The following HLA-DRB5 variants were observed in gnomAD, a reference collection of about 807,000 sequenced individuals.
The protein encoded by HLA-DRB5 is DR beta-5.
HLA-DRB5 carries 11 observed loss-of-function variants against 22.4 expected under a neutral mutation model. The ratio of observed to expected loss-of-function variants is 0.49; its 90% CI spans 0.31 to 0.81. HLA-DRB5 has a LOEUF of 0.81. HLA-DRB5 is among the 40% of genes least tolerant of loss of function. The pLI is 0.05. For synonymous variants in HLA-DRB5, 57 were observed against 106.0 expected, an observed-to-expected ratio of 0.54 and a Z score of 2.84; for missense variants, 106 against 274.4, an observed-to-expected ratio of 0.39 and a Z score of 4.34.
chr6:32,526,860 C>T (rs201806466), intron 1 of HLA-DRB5, among the ~76,000 whole-genome samples: 2,323 of 29,510 alleles, frequency 0.079, 144 homozygotes, highest in Non-Finnish European at 0.088. Flanking sequence ...CTGATTGCTC[C>T]ACACAAATGT....
chr6:32,528,693 G>A lies in HLA-DRB5; in HGVS notation c.100+1432C>T, dbSNP rs1399509209. 7.6e-5 allele frequency among the ~76,000 whole-genome samples: 3 copies of A among 39,362 alleles called. 1 individual carries two copies. The highest frequency in any genetic ancestry group is 1.6e-4 in the Non-Finnish European group (3 of 18,924). The allele number at this position is 39,362 out of a possible 152,430, so 25.8% of individuals were successfully genotyped here. ...CAATGAATTCACCGTGCCTGGGTGC[G>A]GTGGCTTACACCTACAATCCTAGCA... is the stretch of plus-strand genomic sequence containing the variant. On this transcript the variant is annotated intron_variant, in intron 1 of 5. Transcript: ENST00000374975.
chr6:32,524,030 G>A (rs146225755), intron 1 of HLA-DRB5, among the ~76,000 whole-genome samples: 9,910 of 38,436 alleles, frequency 0.26, 3,101 homozygotes, highest in Middle Eastern at 0.39. Context: ...TTCCCCAAGG[G>A]TGATGGGAGG....
chr6:32,522,732 G>A (rs144861045), intron 1 of HLA-DRB5, among the ~76,000 whole-genome samples: 3,068 of 68,052 alleles, frequency 0.045, 1,118 homozygotes, highest in Admixed American at 0.085. Context: ...GCTTAGACAG[G>A]AATGAGAAAT....
rs113032615 is a variant in HLA-DRB5, at chr6:32,526,630, G to A, written c.100+3495C>T. Among the ~76,000 whole-genome samples the A allele has an allele frequency of 5.8e-5, 2 of 34,392 alleles. 1 individual carries two copies. The highest frequency in any genetic ancestry group is 1.1e-4 in the Non-Finnish European group (2 of 17,558). 22.6% of individuals were successfully genotyped at this position (34,392 alleles called of 152,430 possible). A position where few individuals can be genotyped will look rare whatever the true frequency, so the allele number is the denominator to read the frequency against. On this transcript the variant is annotated intron_variant, in intron 1 of 5. Transcript: ENST00000374975. ...CACCTCCCTGGTTCACGCCATTCTCGTGCTTCAGCCTCCCAAGTAGCTGGG... is the reference window on the plus strand; with the variant it reads ...CACCTCCCTGGTTCACGCCATTCTCATGCTTCAGCCTCCCAAGTAGCTGGG...
At chr6:32,528,917 T>C (rs532892069) in intron 1 of HLA-DRB5, among the ~76,000 whole-genome samples, 492 of 112,428 alleles carry the variant, frequency 4.4e-3, no homozygotes, top group Non-Finnish European at 6.0e-3. Context: ...CATTACAGCC[T>C]GGGTGACAGA....
Position 32,526,816 on chromosome 6 carries a change from G to T in HLA-DRB5, c.100+3309C>A, listed in dbSNP as rs1482338358. On this transcript the variant is annotated intron_variant, in intron 1 of 5. Coordinates refer to ENST00000374975, the MANE Select transcript of HLA-DRB5 (RefSeq NM_002125.4). ...TTACAGGCATGAGTCACTGCGCCTG[G>T]CCCACCATGAGTCTTTTAAATGCCA... Among the ~76,000 whole-genome samples, 16 of 24,468 alleles carry T rather than the reference G, an allele frequency of 6.5e-4. 7 individuals carry two copies. The highest frequency in any genetic ancestry group is 1.0e-3 in the Non-Finnish European group (12 of 11,482). 16.1% of individuals were successfully genotyped at this position (24,468 alleles called of 152,430 possible). A position where few individuals can be genotyped will look rare whatever the true frequency, so the allele number is the denominator to read the frequency against.
chr6:32,524,789 T>C (rs1769396827), intron 1 of HLA-DRB5, among the ~76,000 whole-genome samples: 1 of 94,020 alleles, frequency 1.1e-5, no homozygotes, highest in Admixed American at 1.3e-4. Context: ...CATGCTCATG[T>C]GTCCCACTTA....
chr6:32,519,445 C>G lies in HLA-DRB5; in HGVS notation c.577G>C (p.Val193Leu), dbSNP rs1372685570. The change falls in exon 3 of 6, where the codon GTT becomes CTT. Residue 193 changes from valine (V) to leucine (L), a missense_variant. Transcript: ENST00000374975. ...TFQTLVMLET[V>L]PRSGEVYTCQ... ...GTGTAAACCTCTCCACTTCGAGGAA[C>G]TGTTTCCAGCATCACCAGGGTCTGG... 1 of 1,329,106 alleles carries G rather than the reference C, an allele frequency of 7.5e-7. No homozygotes were observed. Among genetic ancestry groups the G allele is most frequent in the Non-Finnish European group, 1.0e-6 (1 of 973,398 alleles). 82.3% of individuals were successfully genotyped at this position (1,329,106 alleles called of 1,614,324 possible).
chr6:32,518,532 GA>G (rs1217761692), intron 4 of HLA-DRB5, 23 bp downstream of exon 4: 155 of 481,076 alleles, frequency 3.2e-4, no homozygotes, highest in Admixed American at 6.8e-4. Flanking sequence ...TCTATGGAGA[GA>G]GCCGCTACCA....
chr6:32,523,988 A>C (rs1416070763), intron 1 of HLA-DRB5, among the ~76,000 whole-genome samples: 1 of 88,792 alleles, frequency 1.1e-5, no homozygotes, highest in Non-Finnish European at 2.3e-5. Context: ...CCCTGTGGTG[A>C]CAACCAAAAA....
chr6:32,525,236 G>A lies in HLA-DRB5; in HGVS notation c.101-3062C>T, dbSNP rs1444543596. Among the ~76,000 whole-genome samples, 8 of 42,544 alleles carry A rather than the reference G, an allele frequency of 1.9e-4. 2 individuals are homozygous for A. The highest frequency in any genetic ancestry group is 1.2e-3 in the Admixed American group (4 of 3,214). The allele number at this position is 42,544 out of a possible 152,430, so 27.9% of individuals were successfully genotyped here. On this transcript the variant is annotated intron_variant, in intron 1 of 5. Coordinates refer to ENST00000374975, the MANE Select transcript of HLA-DRB5 (RefSeq NM_002125.4). Reference sequence around the variant, plus strand: ...TTGAAATATGACCTCTTTTAAATGGGTCACTTTTTGCCAACCATAAGCCTA... The same window carrying A: ...TTGAAATATGACCTCTTTTAAATGGATCACTTTTTGCCAACCATAAGCCTA...
chr6:32,523,055 C>G (rs114283998), intron 1 of HLA-DRB5, among the ~76,000 whole-genome samples: 15,806 of 105,338 alleles, frequency 0.15, 37 homozygotes, highest in Non-Finnish European at 0.18. Flanking sequence ...TCACAAGAAG[C>G]CAGGTATTGA....
In HLA-DRB5 at chr6:32,530,284, C is replaced by T. The variant is rs1330788448; in HGVS notation, c.-60G>A. The T allele has an allele frequency of 1.1e-5, 11 of 959,076 alleles. No individual in the cohort carries two copies. Among genetic ancestry groups the T allele is most frequent in the Non-Finnish European group, 1.7e-5 (11 of 640,278 alleles). 59.4% of individuals were successfully genotyped at this position (959,076 alleles called of 1,614,324 possible). ...GCAGGCAAGTCTCACTCAGGGAGAA[C>T]TATGATCCCCCTCCACCCACATTCC... is the stretch of plus-strand genomic sequence containing the variant. On this transcript the variant is annotated 5_prime_UTR_variant, in exon 1 of 6. Coordinates refer to ENST00000374975, the MANE Select transcript of HLA-DRB5 (RefSeq NM_002125.4).
intron 1 of HLA-DRB5, among the ~76,000 whole-genome samples, chr6:32,526,178 A>G (rs1769606930): frequency 8.3e-5 from 6 of 71,890 alleles, no homozygotes; most frequent in South Asian, 4.0e-4. Flanking sequence ...CTCCCTGGAT[A>G]CTCTACTGAC....
chr6:32,528,323 T>TTATG (rs1562452113), intron 1 of HLA-DRB5, among the ~76,000 whole-genome samples: 31 of 108,906 alleles, frequency 2.8e-4, no homozygotes, highest in Non-Finnish European at 5.6e-4. Context: ...TCTCCTCCAC[T>TTATG]CTTGTGTAAC....
intron 1 of HLA-DRB5, among the ~76,000 whole-genome samples, chr6:32,524,190 A>G (rs978284491): frequency 7.2e-3 from 754 of 104,088 alleles, no homozygotes; most frequent in Admixed American, 0.012. Flanking sequence ...ACATAAAACG[A>G]ATGCTTTATA....
chr6:32,524,793 C>T (rs113974887), intron 1 of HLA-DRB5, among the ~76,000 whole-genome samples: 5,143 of 59,536 alleles, frequency 0.086, 20 homozygotes, highest in Non-Finnish European at 0.11. Flanking sequence ...CTCATGTGTC[C>T]CACTTAGGGT....
Position 32,522,063 on chromosome 6 carries a change from C to A in HLA-DRB5, c.212G>T (p.Ser71Ile). 2 of 1,546,764 alleles carry A rather than the reference C, an allele frequency of 1.3e-6. No individual in the cohort carries two copies. The highest frequency in any genetic ancestry group is 1.8e-6 in the Non-Finnish European group (2 of 1,134,816). Residue 71 changes from serine (S) to isoleucine (I), a missense_variant, in exon 2 of 6, where the codon AGC (serine) becomes ATC (isoleucine). Ser to Ile is a moderately radical substitution (Grantham distance 142). Transcript: ENST00000374975. The part of the protein sequence containing the change: ...YNQEEDLRFD[S>I]DVGEYRAVTE... ...CACCGCCCGGTACTCCCCCACGTCG[C>A]TGTCGAAGCGCAAGTCCTCCTCTTG... is the stretch of plus-strand genomic sequence containing the variant.
At chr6:32,528,423 A>AAGTGTGGTTTACACGAAT (rs1769893583) in intron 1 of HLA-DRB5, among the ~76,000 whole-genome samples, 2 of 125,384 alleles carry the variant, frequency 1.6e-5, no homozygotes, top group Non-Finnish European at 3.4e-5. Flanking sequence ...TGATAAAAAT[A>AAGTGTGGTTTACACGAAT]ACTGTGGTTT....
Sources: gnomAD v4.1 joint callset for allele counts (sites outside exome capture counted in the v4.1 genomes callset) on GRCh38, gnomAD v4.1.1 for gene constraint, MANE v1.5 for transcripts, NCBI Gene and HGNC (gene_info 2026-07-23, HGNC 2026-07-21) for gene names.